C2orf68: variants seen among roughly 807,000 people sequenced by gnomAD.
C2orf68 encodes chromosome 2 open reading frame 68.
In C2orf68, 15 loss-of-function variants were observed where a neutral mutation model predicts 19.1. The observed-to-expected ratio is 0.79, with a 90% confidence interval of 0.53 to 1.21. C2orf68 has a LOEUF of 1.21. Among genes scored for constraint, C2orf68 ranks in the 50% most tolerant of loss-of-function variants. The pLI is 0.00. For missense variants in C2orf68, 242 were observed against 226.6 expected (o/e 1.07, Z -0.44); for synonymous variants, 98 against 91.0 (o/e 1.08, Z -0.44).
rs1454296586 is a variant in C2orf68 at position 85,606,353 on chromosome 2, C to T, written c.*2592G>A. On this transcript the variant is annotated 3_prime_UTR_variant, in exon 4 of 4. Coordinates refer to ENST00000306336, the MANE Select transcript of C2orf68 (RefSeq NM_001013649.4). ...GGAACATGCTCCTTGATGGAAAACA[C>T]TAATTTTTGAAAGAAGTAGATGTCT... Among the ~76,000 whole-genome samples, 1 of 152,186 alleles carries T rather than the reference C, an allele frequency of 6.6e-6. No homozygotes were observed. Among genetic ancestry groups the T allele is most frequent in the Non-Finnish European group, 1.5e-5 (1 of 68,026 alleles).
In C2orf68 at chr2:85,611,793, G is replaced by A. The variant is rs764457575; in HGVS notation, c.108-7C>T. On this transcript the variant is annotated splice_region_variant and splice_polypyrimidine_tract_variant and intron_variant, in intron 1 of 3. Coordinates refer to ENST00000306336, the MANE Select transcript of C2orf68 (RefSeq NM_001013649.4). ...CTTCTTGTCATAGTCGTCCCTGCGG[G>A]GAGCCGAGCGGGAGTCAGGGACTGT... 10 of 1,610,798 alleles carry A rather than the reference G, an allele frequency of 6.2e-6. No homozygotes were observed. In the Admixed American group the frequency reaches 1.5e-4, roughly 24 times the overall value.
chr2:85,611,606 GA>G, intron 2 of C2orf68, 61 bp downstream of exon 2: 2 of 1,556,196 alleles, frequency 1.3e-6, no homozygotes, highest in Non-Finnish European at 1.7e-6. Context: ...TCCCTATAGA[GA>G]AGGGGAGTGC....
In C2orf68 at chr2:85,605,309, C is replaced by T. The variant is rs1673175824; in HGVS notation, c.*3636G>A. ...AAAAAATACTGTATTTGAAAAGTAC[C>T]TTCCTTCTGGGATTTTCAAATAATT... is the stretch of plus-strand genomic sequence containing the variant. On this transcript the variant is annotated 3_prime_UTR_variant, in exon 4 of 4. Coordinates refer to ENST00000306336, the MANE Select transcript of C2orf68 (RefSeq NM_001013649.4). 6.6e-6 allele frequency among the ~76,000 whole-genome samples: 1 copy of T among 152,136 alleles called. No individual in the cohort carries two copies. The highest frequency in any genetic ancestry group is 2.1e-4 in the South Asian group (1 of 4,828).
At chr2:85,611,442 G>A in intron 2 of C2orf68, 1 of 1,529,570 alleles carries the variant, frequency 6.5e-7, no homozygotes, top group Non-Finnish European at 8.8e-7. Flanking sequence ...ACTTCTTGCT[G>A]GCTCCCCGAT....
At position 85,607,765 on chromosome 2, in the gene C2orf68, G is replaced by C. The variant is rs1046315541; in HGVS notation, c.*1180C>G. The stretch of plus-strand genomic sequence containing the variant: ...TAAAGCCATATTTCAAGGCACTGAG[G>C]TTAGGCTGATATGCTGGAAAACAAG... On this transcript the variant is annotated 3_prime_UTR_variant, in exon 4 of 4. Transcript: ENST00000306336. 6.6e-6 allele frequency: 1 copy of C among 152,226 alleles called. No homozygotes were observed. Among genetic ancestry groups the C allele is most frequent in the Non-Finnish European group, 1.5e-5 (1 of 68,030 alleles). The allele number at this position is 152,226 out of a possible 1,614,324, so 9.4% of individuals were successfully genotyped here.
rs1673295110 is a variant in C2orf68, at chr2:85,608,405, T to TGGA, written c.*537_*539dup. On this transcript the variant is annotated 3_prime_UTR_variant, in exon 4 of 4. Coordinates refer to ENST00000306336, the MANE Select transcript of C2orf68 (RefSeq NM_001013649.4). ...CCCCACCTCCAAAGTCCTGAGCAGC[T>TGGA]GGAGGTACACAGTCATTTGGAGGGG... The TGGA allele has an allele frequency of 6.6e-6, 1 of 151,944 alleles. No individual in the cohort carries two copies. The highest frequency in any genetic ancestry group is 6.6e-5 in the Admixed American group (1 of 15,244). The allele number at this position is 151,944 out of a possible 1,614,324, so 9.4% of individuals were successfully genotyped here.
In C2orf68 at chr2:85,607,235, G is replaced by C. The variant is rs1032453560; in HGVS notation, c.*1710C>G. 6.6e-6 allele frequency: 1 copy of C among 152,180 alleles called. No individual in the cohort carries two copies. The highest frequency in any genetic ancestry group is 1.5e-5 in the Non-Finnish European group (1 of 68,036). The allele number at this position is 152,180 out of a possible 1,614,324, so 9.4% of individuals were successfully genotyped here. ...TGAAATCCTATGTTCCAAGTCATCA[G>C]ATCAGTTTAAGGACTAGAAGACTAG... is the stretch of plus-strand genomic sequence containing the variant. On this transcript the variant is annotated 3_prime_UTR_variant, in exon 4 of 4. Transcript: ENST00000306336.
Position 85,608,370 on chromosome 2 carries a change from C to T in C2orf68, c.*575G>A, listed in dbSNP as rs1673293919. 1 of 151,990 alleles carries T rather than the reference C, an allele frequency of 6.6e-6. No homozygotes were observed. Among genetic ancestry groups the T allele is most frequent in the Non-Finnish European group, 1.5e-5 (1 of 67,998 alleles). The allele number at this position is 151,990 out of a possible 1,614,324, so 9.4% of individuals were successfully genotyped here. A position where few individuals can be genotyped will look rare whatever the true frequency, so the allele number is the denominator to read the frequency against. On this transcript the variant is annotated 3_prime_UTR_variant, in exon 4 of 4. Transcript: ENST00000306336. ...AGAGTTTTTTAGAAGGGTAGATCCC[C>T]AGGCCCCGCCCCCACCTCCAAAGTC...
intron 2 of C2orf68, chr2:85,611,228 A>G (rs2104163176): frequency 7.7e-7 from 1 of 1,298,234 alleles, no homozygotes; most frequent in East Asian, 3.5e-5. Flanking sequence ...AACATTTTAA[A>G]AAAAGTAATA....
At position 85,611,831 on chromosome 2, in the gene C2orf68, G is replaced by A. The variant is rs554124077; in HGVS notation, c.108-45C>T. The A allele has an allele frequency of 1.9e-5, 31 of 1,605,954 alleles. No homozygotes were observed. The East Asian group carries it at 4.7e-4, about 24-fold the overall frequency. On this transcript the variant is annotated intron_variant, in intron 1 of 3. Transcript: ENST00000306336. Reference sequence around the variant, plus strand: ...AGTCAGGGACTGTCGGGCCGGGCCAGGCCAGGCCAGGAGTGGTGGCGGCGG... The same window carrying A: ...AGTCAGGGACTGTCGGGCCGGGCCAAGCCAGGCCAGGAGTGGTGGCGGCGG...
chr2:85,611,275 T>C, intron 2 of C2orf68: 6 of 1,409,012 alleles, frequency 4.3e-6, no homozygotes, highest in Non-Finnish European at 4.6e-6. Flanking sequence ...TATTAACCAG[T>C]GTGATCTCTA....
Position 85,605,970 on chromosome 2 carries a change from C to T in C2orf68, c.*2975G>A, listed in dbSNP as rs1381982661. ...ATTACATTCTTCAAAGACTTCCGTG[C>T]TTGCCAGCTGGATAACAACTCAAGC... On this transcript the variant is annotated 3_prime_UTR_variant, in exon 4 of 4. Coordinates refer to ENST00000306336, the MANE Select transcript of C2orf68 (RefSeq NM_001013649.4). 6.6e-6 allele frequency among the ~76,000 whole-genome samples: 1 copy of T among 152,226 alleles called. No homozygotes were observed. The highest frequency in any genetic ancestry group is 1.5e-5 in the Non-Finnish European group (1 of 68,046).
chr2:85,609,743 G>A (rs1215279386), intron 2 of C2orf68, among the ~76,000 whole-genome samples, 157 bp from the exon 3 acceptor site: 2 of 151,168 alleles, frequency 1.3e-5, no homozygotes, highest in Admixed American at 6.6e-5. Context: ...GTGCAGTGGT[G>A]CAATCTCGGC....
Position 85,606,176 on chromosome 2 carries a change from G to A in C2orf68, c.*2769C>T, listed in dbSNP as rs1001007725. ...TGCCTATCAGATTGTGTGTGTGTGC[G>A]CGTTTTTTAAAGACAGCCAATTACA... On this transcript the variant is annotated 3_prime_UTR_variant, in exon 4 of 4. Transcript: ENST00000306336. 9.9e-5 allele frequency among the ~76,000 whole-genome samples: 15 copies of A among 152,272 alleles called. No homozygotes were observed. In the South Asian group the frequency reaches 1.7e-3, roughly 17 times the overall value.
At position 85,611,695 on chromosome 2, in the gene C2orf68, G is replaced by A. The variant is rs1673541457; in HGVS notation, c.199C>T (p.Leu67=). The change falls in exon 2 of 4, where the codon CTG becomes TTG. Residue 67 remains leucine (L), a synonymous_variant. Transcript: ENST00000306336. ...PAPTRPRKPD[L]QVYLPRHRDV... ...CGGTGTCGCGGCAGGTACACCTGCA[G>A]GTCTGGCTTGCGGGGCCGCGTCGGC... 4 of 1,580,534 alleles carry A rather than the reference G, an allele frequency of 2.5e-6. No homozygotes were observed. Among genetic ancestry groups the A allele is most frequent in the African/African-American group, 2.7e-5 (2 of 74,350 alleles).
chr2:85,611,351 A>G, intron 2 of C2orf68: 1 of 1,441,142 alleles, frequency 6.9e-7, no homozygotes, highest in Non-Finnish European at 9.1e-7. Flanking sequence ...CTGGTCGCTC[A>G]TCGCTGTGCC....
In C2orf68 at chr2:85,608,613, G is replaced by A. The variant is rs544608650; in HGVS notation, c.*332C>T. ...CAGCAGCCAGGCATATGACCTCGGT[G>A]AGAAAGCACCATGTTGCACGAGGCT... is the stretch of plus-strand genomic sequence containing the variant. On this transcript the variant is annotated 3_prime_UTR_variant, in exon 4 of 4. Coordinates refer to ENST00000306336, the MANE Select transcript of C2orf68 (RefSeq NM_001013649.4). The A allele has an allele frequency of 4.7e-4, 95 of 202,628 alleles. No individual in the cohort carries two copies. Among genetic ancestry groups the A allele is most frequent in the African/African-American group, 2.1e-3 (89 of 42,536 alleles). The allele number at this position is 202,628 out of a possible 1,614,324, so 12.6% of individuals were successfully genotyped here. A position where few individuals can be genotyped will look rare whatever the true frequency, so the allele number is the denominator to read the frequency against.
chr2:85,610,358 C>T (rs1364046889), intron 2 of C2orf68: 2 of 152,194 alleles, frequency 1.3e-5, no homozygotes, highest in Non-Finnish European at 2.9e-5. Context: ...ACTTATTTAC[C>T]TTTGCATCCC....
intron 2 of C2orf68, chr2:85,611,038 C>T (rs1025509529): frequency 1.2e-5 from 2 of 168,000 alleles, no homozygotes; most frequent in Non-Finnish European, 2.5e-5. Context: ...GGATTACAGG[C>T]GAGAGCCACC....
Sources: allele counts gnomAD v4.1 joint callset (sites outside exome capture counted in the v4.1 genomes callset), GRCh38; gene constraint gnomAD v4.1.1; transcripts MANE v1.5; gene names NCBI Gene and HGNC (gene_info 2026-07-23, HGNC 2026-07-21).